The following SLC44A1 variants were observed in gnomAD, a reference collection of about 807,000 sequenced individuals.
SLC44A1 encodes solute carrier family 44 member 1.
In SLC44A1, 26 loss-of-function variants were observed where a neutral mutation model predicts 79.3. That is an observed-to-expected ratio of 0.33 (90% CI 0.24 to 0.46). SLC44A1 has a LOEUF of 0.46. SLC44A1 is among the 20% of genes least tolerant of loss of function. The probability of loss-of-function intolerance (pLI) is 1.00; values close to 1 mark genes in which losing one functional copy is unlikely to be tolerated. For missense variants in SLC44A1, 688 were observed against 798.1 expected, an observed-to-expected ratio of 0.86 and a Z score of 1.66; for synonymous variants, 263 against 286.2, an observed-to-expected ratio of 0.92 and a Z score of 0.82.
intron 3 of SLC44A1, among the ~76,000 whole-genome samples, chr9:105,311,944 CT>C (rs1242637250): frequency 6.6e-6 from 1 of 152,064 alleles, no homozygotes; most frequent in Admixed American, 6.6e-5. Flanking sequence ...CATTGGTTTC[CT>C]TCCTTTACAC....
chr9:105,302,514 G>A (rs1177376092), intron 2 of SLC44A1, among the ~76,000 whole-genome samples: 1 of 151,730 alleles, frequency 6.6e-6, no homozygotes, highest in Non-Finnish European at 1.5e-5. Flanking sequence ...CACCACTCTT[G>A]GTTAATTTTT....
At chr9:105,361,392 G>A in intron 8 of SLC44A1, 62 bp downstream of exon 8, 1 of 1,467,708 alleles carries the variant, frequency 6.8e-7, no homozygotes, top group Non-Finnish European at 9.2e-7. Context: ...GATCATTAAT[G>A]GAGCAGAAAC....
intron 2 of SLC44A1, among the ~76,000 whole-genome samples, chr9:105,309,365 T>C (rs1328765494): frequency 6.6e-6 from 1 of 152,178 alleles, no homozygotes. Flanking sequence ...TTCTTCATCA[T>C]GAGGATTAGA....
At chr9:105,314,259 A>G (rs934108534) in intron 3 of SLC44A1, among the ~76,000 whole-genome samples, 2 of 152,154 alleles carry the variant, frequency 1.3e-5, no homozygotes, top group African/African-American at 4.8e-5. Flanking sequence ...TTGTGCTTCT[A>G]TCAAAGATGC....
chr9:105,248,437 T>C (rs1372830547), intron 1 of SLC44A1, among the ~76,000 whole-genome samples: 1 of 152,256 alleles, frequency 6.6e-6, no homozygotes, highest in African/African-American at 2.4e-5. Flanking sequence ...TGTCACATTC[T>C]ATACTAGCAT....
chr9:105,373,112 A>G (rs374942617), intron 12 of SLC44A1, among the ~76,000 whole-genome samples: 1 of 152,160 alleles, frequency 6.6e-6, no homozygotes, highest in African/African-American at 2.4e-5. Flanking sequence ...CTAATAACTA[A>G]CAAGCTTATA....
At chr9:105,301,884 C>T (rs1284673755) in intron 2 of SLC44A1, among the ~76,000 whole-genome samples, 3 of 152,180 alleles carry the variant, frequency 2.0e-5, no homozygotes, top group African/African-American at 7.2e-5. Flanking sequence ...TCTTAGTAAT[C>T]TTGCAGCCTG....
chr9:105,325,890 A>G (rs1826560628), intron 3 of SLC44A1, among the ~76,000 whole-genome samples: 1 of 152,250 alleles, frequency 6.6e-6, no homozygotes, highest in South Asian at 2.1e-4. Flanking sequence ...CAGTTTACAC[A>G]GGTGAATTTT....
At chr9:105,409,620 G>C (rs1300499952) in intron 15 of SLC44A1, among the ~76,000 whole-genome samples, 2 of 152,150 alleles carry the variant, frequency 1.3e-5, no homozygotes, top group Non-Finnish European at 2.9e-5. Context: ...AGGAGGTCGA[G>C]GTTGCAGTGA....
intron 15 of SLC44A1, among the ~76,000 whole-genome samples, chr9:105,428,740 C>T (rs191173742): frequency 4.6e-5 from 7 of 152,288 alleles, no homozygotes; most frequent in African/African-American, 9.6e-5. Context: ...GTTCCCATTG[C>T]GCAGGCTGGA....
chr9:105,399,925 G>A (rs1377859141), downstream of SLC44A1, among the ~76,000 whole-genome samples: 1 of 152,208 alleles, frequency 6.6e-6, no homozygotes, highest in African/African-American at 2.4e-5. Context: ...GCCAGGTGCA[G>A]TGGCTCATGC....
At chr9:105,351,632 GAGAAAGAAAGAAAGAAAGAAAGAA>G (rs55635937) in intron 5 of SLC44A1, among the ~76,000 whole-genome samples, 1 of 101,358 alleles carries the variant, frequency 9.9e-6, no homozygotes, top group African/African-American at 4.1e-5. Flanking sequence ...GAGAGAGAAA[GAGAAAGAAAGAAAGAAAGAAAGAA>G]AGAAAGAAAG....
intron 15 of SLC44A1, among the ~76,000 whole-genome samples, chr9:105,429,197 A>G (rs1357165187): frequency 1.4e-4 from 22 of 152,238 alleles, no homozygotes; most frequent in Admixed American, 1.3e-4. Flanking sequence ...CACAATTCGT[A>G]TCTTGCCTTA....
chr9:105,364,613 G>A lies in SLC44A1; in HGVS notation c.1146G>A (p.Gln382=). ...AGTTCAAAATTTCTGGGCCTCTGCA[G>A]TACATGTGGTGGTACCATGTGGTGG... The part of the protein sequence containing the change: ...FVEFKISGPL[Q]YMWWYHVVGL... Residue 382 remains glutamine, a synonymous_variant, in exon 10 of 16, where the codon CAG becomes CAA. Transcript: ENST00000374720. The A allele has an allele frequency of 1.2e-6, 2 of 1,614,062 alleles. No homozygotes were observed. Among genetic ancestry groups the A allele is most frequent in the Non-Finnish European group, 1.7e-6 (2 of 1,179,930 alleles).
At chr9:105,353,960 C>T (rs1827532337) in intron 5 of SLC44A1, among the ~76,000 whole-genome samples, 1 of 149,784 alleles carries the variant, frequency 6.7e-6, no homozygotes, top group East Asian at 2.0e-4. Context: ...AGAAAAGAGG[C>T]TTCATCATGA....
At chr9:105,254,259 A>G (rs979995535) in intron 1 of SLC44A1, among the ~76,000 whole-genome samples, 1 of 152,190 alleles carries the variant, frequency 6.6e-6, no homozygotes, top group Non-Finnish European at 1.5e-5. Flanking sequence ...CAAGATCCCA[A>G]GATGGCTATG....
chr9:105,338,624 G>A (rs1826995403), intron 4 of SLC44A1, among the ~76,000 whole-genome samples: 2 of 152,096 alleles, frequency 1.3e-5, no homozygotes. Flanking sequence ...GTGTTGTCTA[G>A]GCTGGTGTCA....
intron 1 of SLC44A1, among the ~76,000 whole-genome samples, chr9:105,258,890 A>G (rs1462550628): frequency 6.7e-6 from 1 of 150,244 alleles, no homozygotes; most frequent in Non-Finnish European, 1.5e-5. Context: ...TTTTTGGTAG[A>G]GAGGGGGTTT....
intron 4 of SLC44A1, among the ~76,000 whole-genome samples, chr9:105,344,447 G>A (rs1588807121): frequency 6.6e-6 from 1 of 152,122 alleles, no homozygotes; most frequent in Non-Finnish European, 1.5e-5. Flanking sequence ...TAGAGGCCAG[G>A]GATGTTGCTA....
Sources: allele counts gnomAD v4.1 joint callset (sites outside exome capture counted in the v4.1 genomes callset), GRCh38; gene constraint gnomAD v4.1.1; transcripts MANE v1.5; gene names NCBI Gene and HGNC (gene_info 2026-07-23, HGNC 2026-07-21).